The following ADAM9 variants were observed in gnomAD, a reference collection of about 807,000 sequenced individuals.
The protein encoded by ADAM9 is ADAM metallopeptidase domain 9.
A neutral mutation model predicts 108.1 loss-of-function variants in ADAM9; 54 were observed. That is an observed-to-expected ratio of 0.50 (90% CI 0.40 to 0.63). The LOEUF (loss-of-function observed/expected upper bound fraction) is 0.63, where lower values mean the gene tolerates loss of function less well. Among genes scored for constraint, ADAM9 ranks in the 20% least tolerant of loss-of-function variants. The pLI is 0.00. For missense variants in ADAM9, 830 were observed against 997.7 expected (o/e 0.83, Z 2.26); for synonymous variants, 316 against 336.0 (o/e 0.94, Z 0.65).
chr8:39,095,534 G>C (rs968996231), intron 20 of ADAM9, among the ~76,000 whole-genome samples: 1 of 152,116 alleles, frequency 6.6e-6, no homozygotes, highest in African/African-American at 2.4e-5. Context: ...GTTAAGGCTT[G>C]TTTTGCAGTT....
intron 14 of ADAM9, among the ~76,000 whole-genome samples, chr8:39,059,826 G>A (rs866446794): frequency 3.3e-5 from 5 of 152,166 alleles, no homozygotes; most frequent in African/African-American, 4.8e-5. Flanking sequence ...CCAGGTCTCC[G>A]TCTTCTTTTC....
chr8:39,041,876 A>C (rs966755720), intron 11 of ADAM9, 70 bp from the exon 12 acceptor site: 1 of 1,433,470 alleles, frequency 7.0e-7, no homozygotes, highest in African/African-American at 1.4e-5. Flanking sequence ...TGTGGGTTAA[A>C]GTCATGACTT....
chr8:39,060,814 T>C (rs1006645166), intron 14 of ADAM9, among the ~76,000 whole-genome samples: 1 of 152,222 alleles, frequency 6.6e-6, no homozygotes, highest in African/African-American at 2.4e-5. Flanking sequence ...AGAGTTGATA[T>C]TCTTCCTAAG....
chr8:39,101,780 T>G (rs1421218164), intron 20 of ADAM9, 83 bp from the exon 21 acceptor site: 4 of 1,109,008 alleles, frequency 3.6e-6, no homozygotes, highest in Non-Finnish European at 5.3e-6. Context: ...GTTTATTGAT[T>G]TTAAATATGT....
intron 1 of ADAM9, among the ~76,000 whole-genome samples, chr8:38,997,496 C>G (rs1414560940): frequency 6.6e-6 from 1 of 152,196 alleles, no homozygotes; most frequent in East Asian, 1.9e-4. Context: ...GGGCGCTGAC[C>G]TCGGCGGGCC....
intron 14 of ADAM9, among the ~76,000 whole-genome samples, chr8:39,059,103 C>A (rs572015441): frequency 6.6e-6 from 1 of 152,288 alleles, no homozygotes; most frequent in Admixed American, 6.5e-5. Flanking sequence ...CCCATTGCCT[C>A]ATTTCATTTG....
Position 39,104,602 on chromosome 8 carries a change from C to CT in ADAM9, c.*905dup, listed in dbSNP as rs1207661441. On this transcript the variant is annotated 3_prime_UTR_variant, in exon 22 of 22. Transcript: ENST00000487273. ...AAACCACTTGAGAATTTCATGAGCA[C>CT]TTTAAAATCTGAACTTTCAAAGCTT... 2.3e-6 allele frequency: 1 copy of CT among 425,534 alleles called. No homozygotes were observed. The highest frequency in any genetic ancestry group is 2.8e-5 in the Admixed American group (1 of 35,970). 26.4% of individuals were successfully genotyped at this position (425,534 alleles called of 1,614,324 possible).
intron 3 of ADAM9, among the ~76,000 whole-genome samples, chr8:39,013,181 A>G (rs1836413217): frequency 6.6e-6 from 1 of 152,152 alleles, no homozygotes; most frequent in Non-Finnish European, 1.5e-5. Context: ...AATCAGGAAT[A>G]ATTGTTTCTT....
At position 39,082,624 on chromosome 8, in the gene ADAM9, A is replaced by ATT. The variant is rs747974915; in HGVS notation, c.1882-5_1882-4dup. 1.8e-4 allele frequency: 218 copies of ATT among 1,220,238 alleles called. No homozygotes were observed. Among genetic ancestry groups the ATT allele is most frequent in the Middle Eastern group, 2.1e-4 (1 of 4,812 alleles). The allele number at this position is 1,220,238 out of a possible 1,614,324, so 75.6% of individuals were successfully genotyped here. The stretch of plus-strand genomic sequence containing the variant: ...TGCTCAATCTTTCTTTACTTAGTTC[A>ATT]TTTTTTTTTTTTTCAGATCTGTAGA... On this transcript the variant is annotated splice_polypyrimidine_tract_variant and intron_variant, in intron 16 of 21. Coordinates refer to ENST00000487273, the MANE Select transcript of ADAM9 (RefSeq NM_003816.3).
At chr8:39,045,120 G>GTGTGTGCATACATACATATATGTGTATA (rs1837624683) in intron 12 of ADAM9, among the ~76,000 whole-genome samples, 3 of 76,280 alleles carry the variant, frequency 3.9e-5, no homozygotes, top group Non-Finnish European at 5.1e-5. Context: ...ATACATATGT[G>GTGTGTGCATACATACATATATGTGTATA]TGTGTGCATA....
chr8:39,092,312 T>G (rs1271647436), intron 20 of ADAM9, among the ~76,000 whole-genome samples: 2 of 148,400 alleles, frequency 1.3e-5, no homozygotes, highest in Non-Finnish European at 3.0e-5. Context: ...TAGAAATCCT[T>G]CATTTTTTAA....
At chr8:39,082,517 A>G (rs1839055465) in intron 16 of ADAM9, 124 bp from the exon 17 acceptor site, 1 of 687,900 alleles carries the variant, frequency 1.5e-6, no homozygotes, top group South Asian at 1.8e-5. Flanking sequence ...ATGGGAATTA[A>G]TGGTTCCTTG....
intron 14 of ADAM9, 40 bp from the exon 15 acceptor site, chr8:39,071,258 A>G (rs181657998): frequency 3.8e-6 from 6 of 1,589,776 alleles, no homozygotes; most frequent in Non-Finnish European, 4.3e-6. Flanking sequence ...CTAAATTGCC[A>G]TAACTTTTTT....
At chr8:39,044,229 T>C (rs1450604209) in intron 12 of ADAM9, among the ~76,000 whole-genome samples, 2 of 152,226 alleles carry the variant, frequency 1.3e-5, no homozygotes, top group Non-Finnish European at 2.9e-5. Context: ...TCAGGCCTTA[T>C]GTTTAAGTCT....
chr8:39,103,889 A>G lies in ADAM9; in HGVS notation c.*189A>G. The G allele has an allele frequency of 2.8e-6, 2 of 702,036 alleles. No individual in the cohort carries two copies. The highest frequency in any genetic ancestry group is 5.2e-6 in the Non-Finnish European group (2 of 387,988). 43.5% of individuals were successfully genotyped at this position (702,036 alleles called of 1,614,324 possible). On this transcript the variant is annotated 3_prime_UTR_variant, in exon 22 of 22. Coordinates refer to ENST00000487273, the MANE Select transcript of ADAM9 (RefSeq NM_003816.3). Reference sequence around the variant, plus strand: ...GTTGTGAAATACAAGGAAATGCAGTAAAGCCAGGGAATTTACAATAACATT... The same window carrying G: ...GTTGTGAAATACAAGGAAATGCAGTGAAGCCAGGGAATTTACAATAACATT...
chr8:39,041,922 T>C (rs1588370057), intron 11 of ADAM9, 24 bp from the exon 12 acceptor site: 1 of 1,610,458 alleles, frequency 6.2e-7, no homozygotes, highest in Middle Eastern at 1.7e-4. Context: ...GTGACATAGA[T>C]CTTTTTCTTA....
At chr8:39,100,548 C>T (rs944709182) in intron 20 of ADAM9, among the ~76,000 whole-genome samples, 1 of 151,836 alleles carries the variant, frequency 6.6e-6, no homozygotes, top group African/African-American at 2.4e-5. Context: ...CACCTCACCA[C>T]ATTGTCATTC....
At position 39,025,700 on chromosome 8, in the gene ADAM9, GT is replaced by G. The variant is rs199784871; in HGVS notation, c.915-99del. ...TTTTTTTTTGCCATTTTCCTGCCAT[GT>G]TTTGTAGGTTCTCCCAATCCAGTTG... On this transcript the variant is annotated intron_variant, in intron 9 of 21. Transcript: ENST00000487273. 5.1e-4 allele frequency: 554 copies of G among 1,097,024 alleles called. 4 individuals carry two copies. In the East Asian group the frequency reaches 0.012, roughly 23 times the overall value. 68.0% of individuals were successfully genotyped at this position (1,097,024 alleles called of 1,614,324 possible).
intron 11 of ADAM9, among the ~76,000 whole-genome samples, chr8:39,036,275 C>G (rs1837272905): frequency 6.6e-6 from 1 of 151,988 alleles, no homozygotes; most frequent in South Asian, 2.1e-4. Context: ...TAACTCTGCC[C>G]CTCAATGTCA....
Sources: gnomAD v4.1 joint callset for allele counts (sites outside exome capture counted in the v4.1 genomes callset) on GRCh38, gnomAD v4.1.1 for gene constraint, MANE v1.5 for transcripts, NCBI Gene and HGNC (gene_info 2026-07-23, HGNC 2026-07-21) for gene names.